The following TAX1BP1 variants were observed in gnomAD, a reference collection of about 807,000 sequenced individuals.
TAX1BP1 encodes Tax1 binding protein 1.
In TAX1BP1, 62 loss-of-function variants were observed where a neutral mutation model predicts 97.7. The ratio of observed to expected loss-of-function variants is 0.63; its 90% CI spans 0.52 to 0.78. The LOEUF is 0.78. Ranked by LOEUF, TAX1BP1 falls within the 30% of genes least tolerant of loss-of-function variation. The pLI, the probability that TAX1BP1 is intolerant of heterozygous loss-of-function variation, is 0.00. For missense variants in TAX1BP1, 867 were observed against 916.1 expected, an observed-to-expected ratio of 0.95 and a Z score of 0.69; for synonymous variants, 340 against 304.2, an observed-to-expected ratio of 1.12 and a Z score of -1.23.
In TAX1BP1 at chr7:27,743,767, A is replaced by T. The variant is rs1787707102; in HGVS notation, c.-8+3498A>T. ...CACTTACAGTTAGTTTAGTATCTTT[A>T]TTTTTTTTTTTTTTTTTTTTTTTTT... On this transcript the variant is annotated intron_variant, in intron 1 of 16. Coordinates refer to ENST00000396319, the MANE Select transcript of TAX1BP1 (RefSeq NM_006024.7). Among the ~76,000 whole-genome samples the T allele has an allele frequency of 1.9e-3, 20 of 10,462 alleles. 1 individual carries two copies. The highest frequency in any genetic ancestry group is 2.5e-3 in the Non-Finnish European group (17 of 6,786). 6.9% of individuals were successfully genotyped at this position (10,462 alleles called of 152,430 possible).
At chr7:27,786,704 T>C (rs1240346686) in intron 7 of TAX1BP1, among the ~76,000 whole-genome samples, 2 of 152,238 alleles carry the variant, frequency 1.3e-5, no homozygotes, top group African/African-American at 4.8e-5. Context: ...GTTAATATTC[T>C]ATCCTTGTGA....
chr7:27,768,064 G>A (rs1434713441), intron 4 of TAX1BP1, among the ~76,000 whole-genome samples: 1 of 151,956 alleles, frequency 6.6e-6, no homozygotes, highest in Non-Finnish European at 1.5e-5. Flanking sequence ...GGGGGATAGT[G>A]AGGGATATTT....
chr7:27,817,880 T>C (rs760653579), intron 15 of TAX1BP1, among the ~76,000 whole-genome samples: 2 of 152,126 alleles, frequency 1.3e-5, no homozygotes, highest in Non-Finnish European at 2.9e-5. Context: ...TAATTGCTAT[T>C]AACCTTTGCA....
intron 15 of TAX1BP1, among the ~76,000 whole-genome samples, chr7:27,821,263 A>G (rs1282591793): frequency 6.6e-6 from 1 of 152,218 alleles, no homozygotes; most frequent in Non-Finnish European, 1.5e-5. Context: ...TTAAAATGTT[A>G]TTAATGAGTT....
At chr7:27,801,174 A>G (rs1247339975) in intron 13 of TAX1BP1, among the ~76,000 whole-genome samples, 1 of 150,740 alleles carries the variant, frequency 6.6e-6, no homozygotes, top group Non-Finnish European at 1.5e-5. Context: ...AAGTAGAAAT[A>G]TGTATTTCTT....
At chr7:27,768,870 T>C (rs1788738922) in intron 4 of TAX1BP1, among the ~76,000 whole-genome samples, 1 of 151,980 alleles carries the variant, frequency 6.6e-6, no homozygotes. Flanking sequence ...AAAACCAATT[T>C]GGGGTGTATG....
intron 11 of TAX1BP1, among the ~76,000 whole-genome samples, chr7:27,794,735 C>G (rs1295560637): frequency 6.6e-6 from 1 of 152,148 alleles, no homozygotes; most frequent in Non-Finnish European, 1.5e-5. Context: ...ATTTGGGCTA[C>G]ATAGGACAAA....
Position 27,827,774 on chromosome 7 carries a change from A to C in TAX1BP1, c.2122A>C (p.Ser708Arg). ...ENVPTAPDPP[S>R]QHLRGHGTGF... The stretch of plus-strand genomic sequence containing the variant: ...TGTGCCTACTGCTCCTGATCCTCCA[A>C]GTCAACATTTACGTGGGCATGGGAC... Residue 708 changes from serine (S) to arginine (R), a missense_variant, in exon 16 of 17, where the codon AGT becomes CGT. Ser to Arg is a moderately radical substitution (Grantham distance 110, BLOSUM62 -1). Coordinates refer to ENST00000396319, the MANE Select transcript of TAX1BP1 (RefSeq NM_006024.7). 4 of 1,614,008 alleles carry C rather than the reference A, an allele frequency of 2.5e-6. No homozygotes were observed. The highest frequency in any genetic ancestry group is 3.4e-6 in the Non-Finnish European group (4 of 1,179,914).
At chr7:27,780,631 A>G (rs1405178189) in intron 5 of TAX1BP1, among the ~76,000 whole-genome samples, 2 of 152,124 alleles carry the variant, frequency 1.3e-5, no homozygotes, top group Non-Finnish European at 2.9e-5. Flanking sequence ...TGAATTTATG[A>G]TCTCATTGAA....
chr7:27,742,584 A>G (rs1787661698), intron 1 of TAX1BP1, among the ~76,000 whole-genome samples: 1 of 151,952 alleles, frequency 6.6e-6, no homozygotes, highest in Non-Finnish European at 1.5e-5. Flanking sequence ...TTCTACACAG[A>G]CACAGTAACA....
intron 8 of TAX1BP1, among the ~76,000 whole-genome samples, chr7:27,789,785 C>T (rs952798381): frequency 6.6e-6 from 1 of 151,880 alleles, no homozygotes; most frequent in Non-Finnish European, 1.5e-5. Context: ...ACGTCAGAAG[C>T]GCATGACATT....
intron 13 of TAX1BP1, among the ~76,000 whole-genome samples, chr7:27,811,555 T>C (rs957057263): frequency 4.6e-5 from 7 of 152,038 alleles, no homozygotes; most frequent in African/African-American, 1.5e-4. Flanking sequence ...TTTTCATTCT[T>C]ATATCCTTTG....
chr7:27,816,222 C>T (rs1937307664), intron 13 of TAX1BP1, 127 bp from the exon 14 acceptor site: 2 of 733,004 alleles, frequency 2.7e-6, no homozygotes, highest in African/African-American at 1.9e-5. Context: ...ACTGTGTTTC[C>T]AATTGCATTC....
chr7:27,752,169 C>T (rs1008489911), intron 2 of TAX1BP1, among the ~76,000 whole-genome samples: 4 of 145,922 alleles, frequency 2.7e-5, no homozygotes, highest in African/African-American at 1.0e-4. Flanking sequence ...ATAATGAAAG[C>T]CTAAAGTGGA....
chr7:27,768,597 C>T (rs150943093), intron 4 of TAX1BP1, among the ~76,000 whole-genome samples: 89 of 152,022 alleles, frequency 5.9e-4, no homozygotes, highest in Middle Eastern at 6.8e-3. Context: ...TGACATTAAC[C>T]TTTATGGGTG....
chr7:27,792,629 T>C (rs961586133), intron 9 of TAX1BP1, among the ~76,000 whole-genome samples: 2 of 152,142 alleles, frequency 1.3e-5, no homozygotes, highest in African/African-American at 4.8e-5. Context: ...AAACTGGACT[T>C]AACAAGAGAC....
At chr7:27,790,016 G>GT (rs1789642523) in intron 8 of TAX1BP1, among the ~76,000 whole-genome samples, 1 of 151,950 alleles carries the variant, frequency 6.6e-6, no homozygotes, top group African/African-American at 2.4e-5. Context: ...TGTGAAAGTA[G>GT]TTTGAGGTGA....
chr7:27,799,759 C>T lies in TAX1BP1; in HGVS notation c.1639-206C>T, dbSNP rs191983524. On this transcript the variant is annotated intron_variant, in intron 12 of 16. Coordinates refer to ENST00000396319, the MANE Select transcript of TAX1BP1 (RefSeq NM_006024.7). ...TTTTCTTGTCAATTTGTACATCTGC[C>T]TTATTTAAAAATATATATACTATTT... 4.6e-5 allele frequency among the ~76,000 whole-genome samples: 7 copies of T among 152,058 alleles called. No homozygotes were observed. In the East Asian group the frequency reaches 1.4e-3, roughly 29 times the overall value.
At chr7:27,787,643 A>G in intron 8 of TAX1BP1, 40 bp downstream of exon 8, 1 of 1,514,262 alleles carries the variant, frequency 6.6e-7, no homozygotes, top group Non-Finnish European at 8.9e-7. Context: ...ATTGTAAAAC[A>G]TACCTATGAA....
Sources: gnomAD v4.1 joint callset for allele counts (sites outside exome capture counted in the v4.1 genomes callset) on GRCh38, gnomAD v4.1.1 for gene constraint, MANE v1.5 for transcripts, NCBI Gene and HGNC (gene_info 2026-07-23, HGNC 2026-07-21) for gene names.